Variants in CRY1 observed in about 807,000 individuals in gnomAD.
CRY1 encodes the protein cryptochrome-1.
CRY1 carries 45 observed loss-of-function variants against 76.0 expected under a neutral mutation model. The observed-to-expected ratio is 0.59, with a 90% CI of 0.47 to 0.76. The LOEUF is 0.76. CRY1 is among the 30% of genes least tolerant of loss of function. The probability of loss-of-function intolerance (pLI) is 0.00; values close to 1 mark genes in which losing one functional copy is unlikely to be tolerated. For missense variants in CRY1, 587 were observed against 716.4 expected (o/e 0.82, Z 2.06); for synonymous variants, 248 against 244.0 (o/e 1.02, Z -0.15).
intron 1 of CRY1, among the ~76,000 whole-genome samples, chr12:107,078,524 TTTTTCAC>T (rs749221036): frequency 2.7e-4 from 41 of 152,222 alleles, no homozygotes; most frequent in Non-Finnish European, 5.4e-4. Context: ...TTCGCTGAGT[TTTTTCAC>T]TGGGCTTTTG....
Position 107,015,021 on chromosome 12 carries a change from G to A in CRY1, c.267+7063C>T, listed in dbSNP as rs562385503. 1.1e-4 allele frequency among the ~76,000 whole-genome samples: 16 copies of A among 152,148 alleles called. No homozygotes were observed. The East Asian group carries it at 2.5e-3, about 24-fold the overall frequency. ...GCCTCCTAAGTAGCTGGGATTACAG[G>A]TGTGCATCACCACTCCCAGCTAATA... On this transcript the variant is annotated intron_variant, in intron 2 of 12. Coordinates refer to ENST00000008527, the MANE Select transcript of CRY1 (RefSeq NM_004075.5).
Position 107,093,103 on chromosome 12 carries a change from C to G in CRY1, c.-142G>C. ...AGAGGGGGAACAGGAAAAAATGACTCCGAGGAGGGGACCGGAGAAGGCGGG... is the reference window on the plus strand; with the variant it reads ...AGAGGGGGAACAGGAAAAAATGACTGCGAGGAGGGGACCGGAGAAGGCGGG... On this transcript the variant is annotated 5_prime_UTR_variant, in exon 1 of 13. Coordinates refer to ENST00000008527, the MANE Select transcript of CRY1 (RefSeq NM_004075.5). 1.0e-6 allele frequency: 1 copy of G among 998,948 alleles called. No homozygotes were observed. The highest frequency in any genetic ancestry group is 1.4e-6 in the Non-Finnish European group (1 of 718,454). The allele number at this position is 998,948 out of a possible 1,614,324, so 61.9% of individuals were successfully genotyped here.
intron 1 of CRY1, among the ~76,000 whole-genome samples, chr12:107,080,068 C>G (rs936630728): frequency 3.9e-5 from 6 of 152,026 alleles, no homozygotes; most frequent in African/African-American, 1.2e-4. Context: ...TATTTTATTT[C>G]TGAATAAATC....
chr12:107,051,507 T>C (rs1952920248), intron 1 of CRY1, among the ~76,000 whole-genome samples: 1 of 152,144 alleles, frequency 6.6e-6, no homozygotes, highest in African/African-American at 2.4e-5. Flanking sequence ...GATACAGAAT[T>C]CCCATCCTTG....
chr12:107,050,885 G>A (rs2136875322), intron 1 of CRY1, among the ~76,000 whole-genome samples: 1 of 152,276 alleles, frequency 6.6e-6, no homozygotes, highest in South Asian at 2.1e-4. Context: ...TGAAAGAAAG[G>A]AAGAGTGGAA....
intron 4 of CRY1, 121 bp downstream of exon 4, chr12:107,001,643 C>A: frequency 1.2e-6 from 1 of 866,232 alleles, no homozygotes; most frequent in Non-Finnish European, 1.7e-6. Flanking sequence ...TCTTCTCCCC[C>A]TGCCCTTTCT....
intron 2 of CRY1, among the ~76,000 whole-genome samples, chr12:107,018,882 C>T (rs963922141): frequency 6.6e-6 from 1 of 152,158 alleles, no homozygotes; most frequent in Admixed American, 6.5e-5. Flanking sequence ...CCTGAATCTA[C>T]TCCTTATAAA....
At chr12:107,066,538 C>T (rs1480753157) in intron 1 of CRY1, among the ~76,000 whole-genome samples, 1 of 152,010 alleles carries the variant, frequency 6.6e-6, no homozygotes, top group East Asian at 1.9e-4. Flanking sequence ...TCACTGCAGC[C>T]TCGACCTCCC....
chr12:106,992,414 GA>G (rs1593488228), intron 12 of CRY1: 2 of 157,958 alleles, frequency 1.3e-5, no homozygotes, highest in Admixed American at 1.2e-4. Context: ...AGATTTAGGG[GA>G]AAGTTCATAA....
intron 2 of CRY1, among the ~76,000 whole-genome samples, chr12:107,012,357 C>T (rs181081297): frequency 7.9e-5 from 12 of 152,294 alleles, no homozygotes; most frequent in Admixed American, 2.6e-4. Flanking sequence ...ATCTACTCTG[C>T]CTGTGCAGAA....
rs754873158 is a variant in CRY1, at chr12:106,999,786, G to A, written c.902C>T (p.Thr301Ile). Residue 301 changes from threonine to isoleucine, a missense_variant, in exon 7 of 13, where the codon ACA becomes ATA. By Grantham distance (89) the Thr-to-Ile change is moderately conservative (BLOSUM62 -1). Coordinates refer to ENST00000008527, the MANE Select transcript of CRY1 (RefSeq NM_004075.5). ...LWREFFYTAA[T>I]NNPRFDKMEG... ...CATTTTATCAAAGCGTGGATTATTT[G>A]TTGCTGCTGTATAGAAAAATTCACG... 1 of 1,614,198 alleles carries A rather than the reference G, an allele frequency of 6.2e-7. No individual in the cohort carries two copies. Among genetic ancestry groups the A allele is most frequent in the Non-Finnish European group, 8.5e-7 (1 of 1,180,030 alleles).
chr12:107,026,155 T>A (rs1223077025), intron 1 of CRY1, among the ~76,000 whole-genome samples: 1 of 17,202 alleles, frequency 5.8e-5, no homozygotes, highest in Non-Finnish European at 9.5e-5. Context: ...CATATATATA[T>A]AAAATATATA....
intron 10 of CRY1, among the ~76,000 whole-genome samples, chr12:106,996,403 G>T (rs12301657): frequency 0.016 from 2,435 of 152,212 alleles, 66 homozygotes; most frequent in African/African-American, 0.056. Flanking sequence ...CCACGTCTTT[G>T]CTAATGTGAA....
intron 3 of CRY1, among the ~76,000 whole-genome samples, chr12:107,004,506 C>T (rs1251957817): frequency 2.0e-5 from 3 of 152,170 alleles, no homozygotes; most frequent in Admixed American, 1.3e-4. Flanking sequence ...GCATATAACA[C>T]TCCCTAAATT....
At chr12:107,036,193 C>T (rs1307614195) in intron 1 of CRY1, among the ~76,000 whole-genome samples, 1 of 152,178 alleles carries the variant, frequency 6.6e-6, no homozygotes, top group Non-Finnish European at 1.5e-5. Context: ...GTCACACGGC[C>T]TCGCCAGACT....
intron 2 of CRY1, among the ~76,000 whole-genome samples, chr12:107,006,041 C>T (rs1048071650): frequency 6.6e-6 from 1 of 152,024 alleles, no homozygotes; most frequent in Non-Finnish European, 1.5e-5. Flanking sequence ...CTATAATTCA[C>T]CAAACACCTC....
At chr12:107,089,275 A>G (rs879886612) in intron 1 of CRY1, among the ~76,000 whole-genome samples, 3 of 152,194 alleles carry the variant, frequency 2.0e-5, no homozygotes, top group Non-Finnish European at 4.4e-5. Context: ...TTGTAAATTT[A>G]CCCAAATCAA....
In CRY1 at chr12:107,045,816, C is replaced by T. The variant is rs574030914; in HGVS notation, c.159-23624G>A. On this transcript the variant is annotated intron_variant, in intron 1 of 12. Transcript: ENST00000008527. ...ACACACCGGGGCCTGTTGTGGGGTG[C>T]GGGGAGCGGGGGAGGGATAGCATTA... Among the ~76,000 whole-genome samples the T allele has an allele frequency of 1.1e-4, 16 of 148,920 alleles. No individual in the cohort carries two copies. In the South Asian group the frequency reaches 1.3e-3, roughly 12 times the overall value.
intron 10 of CRY1, among the ~76,000 whole-genome samples, chr12:106,996,673 G>A (rs1464411493): frequency 6.6e-6 from 1 of 152,162 alleles, no homozygotes; most frequent in African/African-American, 2.4e-5. Context: ...TCTCACTGAT[G>A]CTGTCCTATT....
Sources: gnomAD v4.1 joint callset for allele counts (sites outside exome capture counted in the v4.1 genomes callset) on GRCh38, gnomAD v4.1.1 for gene constraint, MANE v1.5 for transcripts, NCBI Gene and HGNC (gene_info 2026-07-23, HGNC 2026-07-21) for gene names.